Variants in ZNF837 observed in about 807,000 individuals in gnomAD.
ZNF837 encodes zinc finger protein 837.
For missense variants in ZNF837, 955 were observed against 801.7 expected (o/e 1.19, Z -2.31); for synonymous variants, 475 against 365.2 (o/e 1.30, Z -3.43).
In ZNF837 at chr19:58,371,196, A is replaced by C. The variant is rs183147198; in HGVS notation, c.-139-1268T>G. On this transcript the variant is annotated intron_variant, in intron 1 of 2. Transcript: ENST00000597582. ...GCGGAGCTTGCAGTGAGCCGAGATCACGCCACTGCACTCCAGCCTGGGCGA... is the reference window on the plus strand; with the variant it reads ...GCGGAGCTTGCAGTGAGCCGAGATCCCGCCACTGCACTCCAGCCTGGGCGA... Among the ~76,000 whole-genome samples the C allele has an allele frequency of 5.2e-3, 764 of 145,772 alleles. 6 individuals carry two copies. The highest frequency in any genetic ancestry group is 7.6e-3 in the Non-Finnish European group (508 of 67,074).
intron 1 of ZNF837, among the ~76,000 whole-genome samples, chr19:58,375,307 TATATAA>T (rs1363520616): frequency 0.05 from 2,315 of 46,546 alleles, 216 homozygotes; most frequent in Non-Finnish European, 0.099. Context: ...TATATATATA[TATATAA>T]AATTACATAT....
intron 1 of ZNF837, among the ~76,000 whole-genome samples, chr19:58,375,313 A>ATATAT (rs1568568408): frequency 0.049 from 1,673 of 34,348 alleles, 201 homozygotes; most frequent in South Asian, 0.078. Flanking sequence ...TATATATATA[A>ATATAT]AATTACATAT....
In ZNF837 at chr19:58,368,041, C is replaced by T. The variant is rs1037220313; in HGVS notation, c.1292G>A (p.Arg431His). The T allele has an allele frequency of 1.3e-6, 2 of 1,534,874 alleles. No individual in the cohort carries two copies. Among genetic ancestry groups the T allele is most frequent in the Non-Finnish European group, 1.7e-6 (2 of 1,145,224 alleles). Residue 431 changes from arginine (R) to histidine (H), a missense_variant, in exon 3 of 3, where the codon CGC becomes CAC. Transcript: ENST00000597582. ...GCGCTGGTGTTGCACCAGGCCCGAG[C>T]GGCCCTTGAAGGCCTTTTCGCACAG... Reference protein sequence around the residue: ...CPLCEKAFKGRSGLVQHQRAH... With the variant: ...CPLCEKAFKGHSGLVQHQRAH...
intron 1 of ZNF837, among the ~76,000 whole-genome samples, chr19:58,374,968 C>CAT (rs74179465): frequency 5.4e-5 from 8 of 148,394 alleles, no homozygotes; most frequent in Admixed American, 4.1e-4. Flanking sequence ...TACACACACA[C>CAT]AAAAACATGG....
intron 1 of ZNF837, among the ~76,000 whole-genome samples, chr19:58,371,711 ATTTT>A (rs942584424): frequency 2.0e-4 from 31 of 151,672 alleles, no homozygotes; most frequent in African/African-American, 7.5e-4. Flanking sequence ...ATATCCTCTT[ATTTT>A]ATTTTATTTA....
intron 1 of ZNF837, among the ~76,000 whole-genome samples, chr19:58,375,289 T>A (rs1386240558): frequency 3.0e-5 from 2 of 66,806 alleles, no homozygotes; most frequent in Non-Finnish European, 6.3e-5. Context: ...TATATATATA[T>A]ATATATATAT....
chr19:58,367,788 G>T lies in ZNF837; in HGVS notation c.1545C>A (p.Arg515=), dbSNP rs902965195. ...CGDCGRAFSQ[R]SNLNEHRKRH... ...GCTTCCGGTGCTCGTTGAGGTTGGAGCGTTGGCTGAAGGCGCGGCCGCAAT... is the reference window on the plus strand; with the variant it reads ...GCTTCCGGTGCTCGTTGAGGTTGGATCGTTGGCTGAAGGCGCGGCCGCAAT... Residue 515 remains arginine (R), a synonymous_variant, in exon 3 of 3, where the codon CGC becomes CGA. Coordinates refer to ENST00000597582, the MANE Select transcript of ZNF837 (RefSeq NM_138466.2). 2.0e-6 allele frequency: 3 copies of T among 1,536,184 alleles called. No individual in the cohort carries two copies. The highest frequency in any genetic ancestry group is 1.4e-5 in the African/African-American group (1 of 73,054).
chr19:58,372,376 T>C (rs2052209816), intron 1 of ZNF837, among the ~76,000 whole-genome samples: 2 of 151,596 alleles, frequency 1.3e-5, no homozygotes, highest in African/African-American at 4.8e-5. Flanking sequence ...ATTTATTAAA[T>C]GTCTCAGAGG....
chr19:58,370,328 C>T (rs1000642632), intron 1 of ZNF837, among the ~76,000 whole-genome samples: 2 of 152,158 alleles, frequency 1.3e-5, no homozygotes, highest in South Asian at 2.1e-4. Context: ...GTCAAATCTC[C>T]TTATACTCCT....
intron 1 of ZNF837, among the ~76,000 whole-genome samples, chr19:58,376,627 C>G (rs1319202849): frequency 9.3e-6 from 1 of 107,934 alleles, no homozygotes; most frequent in East Asian, 2.5e-4. Context: ...AAGAGAAAAA[C>G]AAGTTCTTTT....
chr19:58,378,857 T>G (rs2052269281), intron 1 of ZNF837, among the ~76,000 whole-genome samples: 1 of 152,106 alleles, frequency 6.6e-6, no homozygotes, highest in Non-Finnish European at 1.5e-5. Context: ...GAGGCTGATA[T>G]TGGAGTGATG....
chr19:58,368,215 C>G lies in ZNF837; in HGVS notation c.1118G>C (p.Gly373Ala). The G allele has an allele frequency of 1.9e-6, 3 of 1,541,736 alleles. No individual in the cohort carries two copies. The highest frequency in any genetic ancestry group is 2.6e-6 in the Non-Finnish European group (3 of 1,147,548). The change falls in exon 3 of 3, where the codon GGG becomes GCG. Residue 373 changes from glycine (G) to alanine (A), a missense_variant. Physicochemically the swap from Gly to Ala is moderately conservative, Grantham distance 60. Coordinates refer to ENST00000597582, the MANE Select transcript of ZNF837 (RefSeq NM_138466.2). Reference sequence around the variant, plus strand: ...GTGCTCCACGAGGTGCGAGAACAGCCCGAAGGCCTTGGCGCAGTCGGCGCA... The same window carrying G: ...GTGCTCCACGAGGTGCGAGAACAGCGCGAAGGCCTTGGCGCAGTCGGCGCA... ...YECADCAKAF[G>A]LFSHLVEHRR...
chr19:58,374,513 C>T lies in ZNF837; in HGVS notation c.-139-4585G>A, dbSNP rs1328085105. Among the ~76,000 whole-genome samples, 9 of 151,808 alleles carry T rather than the reference C, an allele frequency of 5.9e-5. No individual in the cohort carries two copies. The East Asian group carries it at 7.7e-4, about 13-fold the overall frequency. Reference sequence around the variant, plus strand: ...CAGAGACAGAAAGTAGACTGGTGGTCGCCAGGGGCTGAGGGGAAAGAGTGG... The same window carrying T: ...CAGAGACAGAAAGTAGACTGGTGGTTGCCAGGGGCTGAGGGGAAAGAGTGG... On this transcript the variant is annotated intron_variant, in intron 1 of 2. Transcript: ENST00000597582.
At chr19:58,377,757 A>G (rs1369512871) in intron 1 of ZNF837, among the ~76,000 whole-genome samples, 2 of 152,196 alleles carry the variant, frequency 1.3e-5, no homozygotes, top group Non-Finnish European at 1.5e-5. Flanking sequence ...CTGCCACCAC[A>G]TGGGAAGTTG....
At chr19:58,374,392 G>A (rs555810303) in intron 1 of ZNF837, among the ~76,000 whole-genome samples, 38 of 152,178 alleles carry the variant, frequency 2.5e-4, no homozygotes, top group Non-Finnish European at 5.4e-4. Flanking sequence ...CTGCAACATG[G>A]ACTTTAGAAA....
At position 58,367,942 on chromosome 19, in the gene ZNF837, T is replaced by A; in HGVS notation, c.1391A>T (p.Gln464Leu). Reference protein sequence around the residue: ...KTFRGCSELRQHERLHSGEKP... With the variant: ...KTFRGCSELRLHERLHSGEKP... ...CTCGCCCGAGTGCAGGCGCTCGTGC[T>A]GGCGCAGCTCGGAGCAGCCGCGGAA... Residue 464 changes from glutamine (Q) to leucine (L), a missense_variant, in exon 3 of 3, where the codon CAG becomes CTG. Gln to Leu is a moderately radical substitution (Grantham distance 113, BLOSUM62 -2). Transcript: ENST00000597582. 1 of 1,533,966 alleles carries A rather than the reference T, an allele frequency of 6.5e-7. No homozygotes were observed. The highest frequency in any genetic ancestry group is 8.7e-7 in the Non-Finnish European group (1 of 1,144,280).
Position 58,368,362 on chromosome 19 carries a change from T to A in ZNF837, c.971A>T (p.Glu324Val). ...CAGGACGGGGCCACGCCGGTGGCGC[T>A]CGGCCGAGTGCGTCTTCTGGTGGCG... ...LYRHQKTHSA[E>V]RHRRGPVLAR... Residue 324 changes from glutamate (E) to valine (V), a missense_variant, in exon 3 of 3, where the codon GAG (glutamate) becomes GTG (valine). By Grantham distance (121) the Glu-to-Val change is moderately radical. Transcript: ENST00000597582. The A allele has an allele frequency of 6.5e-7, 1 of 1,528,998 alleles. No individual in the cohort carries two copies. The highest frequency in any genetic ancestry group is 8.7e-7 in the Non-Finnish European group (1 of 1,143,018). 94.7% of individuals were successfully genotyped at this position (1,528,998 alleles called of 1,614,324 possible).
Position 58,368,431 on chromosome 19 carries a change from C to A in ZNF837, c.902G>T (p.Cys301Phe), listed in dbSNP as rs1391256601. ...CACGAAGGCCTTGCCGCACTCGGCG[C>A]ACTCGTAGGGCCGCTCGCCCGTGTG... ...RIHTGERPYE[C>F]AECGKAFVRC... is the part of the protein sequence containing the mutation. Residue 301 changes from cysteine to phenylalanine, a missense_variant, in exon 3 of 3, where the codon TGC becomes TTC. Cys to Phe is a radical substitution (Grantham distance 205). Transcript: ENST00000597582. The A allele has an allele frequency of 5.1e-6, 8 of 1,557,276 alleles. No individual in the cohort carries two copies. Among genetic ancestry groups the A allele is most frequent in the East Asian group, 2.4e-5 (1 of 41,406 alleles).
At chr19:58,379,737 G>C (rs577344906) in intron 1 of ZNF837, among the ~76,000 whole-genome samples, 1 of 152,318 alleles carries the variant, frequency 6.6e-6, no homozygotes, top group African/African-American at 2.4e-5. Flanking sequence ...GAGCCCTGCA[G>C]AACTGCAGAG....
Sources: allele counts gnomAD v4.1 joint callset (sites outside exome capture counted in the v4.1 genomes callset), GRCh38; gene constraint gnomAD v4.1.1; transcripts MANE v1.5; gene names NCBI Gene and HGNC (gene_info 2026-07-23, HGNC 2026-07-21).